Variants in ZBTB46 observed in about 807,000 individuals in gnomAD.
ZBTB46 encodes zinc finger and BTB domain containing 46, also known as zinc finger and BTB domain-containing protein 46.
In ZBTB46, 8 loss-of-function variants were observed where a neutral mutation model predicts 44.1. The observed-to-expected ratio is 0.18, with a 90% confidence interval of 0.11 to 0.33. The LOEUF (loss-of-function observed/expected upper bound fraction) is 0.33, where lower values mean the gene tolerates loss of function less well. Ranked by LOEUF, ZBTB46 falls within the 10% of genes least tolerant of loss-of-function variation. The probability of loss-of-function intolerance (pLI) is 1.00; values close to 1 mark genes in which losing one functional copy is unlikely to be tolerated. For missense variants in ZBTB46, 651 were observed against 847.7 expected (o/e 0.77, Z 2.88); for synonymous variants, 409 against 382.3 (o/e 1.07, Z -0.81).
chr20:63,825,212 C>T (rs1476897396), intron 1 of ZBTB46, among the ~76,000 whole-genome samples: 1 of 151,538 alleles, frequency 6.6e-6, no homozygotes, highest in African/African-American at 2.4e-5. Context: ...ACCAGCCTGG[C>T]CAACATGATG....
rs935591466 is a variant in ZBTB46 at position 63,752,656 on chromosome 20, G to A, written c.1398+30C>T. ...CCCGGACATCGTGGCCACGCGCAGC[G>A]CGCGGCACGCGGACCCTCCCCGCAC... On this transcript the variant is annotated intron_variant, in intron 4 of 4. Transcript: ENST00000245663. The surrounding 1 kb of genome is among the most constrained non-coding windows in gnomAD (Gnocchi z 5.6). 2 of 1,498,360 alleles carry A rather than the reference G, an allele frequency of 1.3e-6. No homozygotes were observed. Among genetic ancestry groups the A allele is most frequent in the Admixed American group, 2.0e-5 (1 of 49,002 alleles). 92.8% of individuals were successfully genotyped at this position (1,498,360 alleles called of 1,614,324 possible).
intron 1 of ZBTB46, among the ~76,000 whole-genome samples, chr20:63,791,204 A>T (rs569949221): frequency 6.6e-6 from 1 of 152,244 alleles, no homozygotes; most frequent in African/African-American, 2.4e-5. Context: ...GAAAAAGAAT[A>T]AAACTTCCAG....
At chr20:63,748,010 C>T (rs989181836) in intron 4 of ZBTB46, among the ~76,000 whole-genome samples, 5 of 152,222 alleles carry the variant, frequency 3.3e-5, no homozygotes, top group African/African-American at 4.8e-5. Context: ...GGCTGCCAGC[C>T]GGGCAGGTGG....
intron 3 of ZBTB46, among the ~76,000 whole-genome samples, chr20:63,772,984 A>G (rs2092389642): frequency 6.6e-6 from 1 of 152,148 alleles, no homozygotes; most frequent in Non-Finnish European, 1.5e-5. Flanking sequence ...AAGGGGAGAA[A>G]CTGCCAGGGC....
chr20:63,805,769 T>C (rs1437097816), intron 1 of ZBTB46, among the ~76,000 whole-genome samples: 2 of 104,096 alleles, frequency 1.9e-5, no homozygotes, highest in Non-Finnish European at 3.8e-5. Context: ...TTTTTCCTTT[T>C]TTTTGAGACG....
In ZBTB46 at chr20:63,790,033, T is replaced by A; in HGVS notation, c.725A>T (p.Glu242Val). The change falls in exon 2 of 5, where the codon GAG (glutamate) becomes GTG (valine). Residue 242 changes from glutamate to valine, a missense_variant. This residue lies in a region of ZBTB46 where 385 missense variants were observed against 423.3 expected (regional missense o/e 0.91). Coordinates refer to ENST00000245663, the MANE Select transcript of ZBTB46 (RefSeq NM_001369741.1). Reference protein sequence around the residue: ...QVSPSQYGGSELPSAKDGAVQ... With the variant: ...QVSPSQYGGSVLPSAKDGAVQ... The stretch of plus-strand genomic sequence containing the variant: ...TGCACCGTCCTTGGCAGAAGGCAGC[T>A]CGCTCCCTCCGTACTGAGACGGTGA... 1 of 1,613,980 alleles carries A rather than the reference T, an allele frequency of 6.2e-7. No individual in the cohort carries two copies. The highest frequency in any genetic ancestry group is 8.5e-7 in the Non-Finnish European group (1 of 1,179,916).
chr20:63,830,073 T>C (rs1448935454), intron 1 of ZBTB46, among the ~76,000 whole-genome samples: 1 of 152,250 alleles, frequency 6.6e-6, no homozygotes, highest in Admixed American at 6.5e-5. Context: ...GGAAATTCGC[T>C]GCGAATCTCA....
In ZBTB46 at chr20:63,746,914, C is replaced by G. The variant is rs1255464598; in HGVS notation, c.*16G>C. The G allele has an allele frequency of 1.3e-6, 2 of 1,511,452 alleles. No individual in the cohort carries two copies. The highest frequency in any genetic ancestry group is 2.4e-5 in the East Asian group (1 of 42,068). 93.6% of individuals were successfully genotyped at this position (1,511,452 alleles called of 1,614,324 possible). ...GGACGGAGCGAGGCAGCCACCGACCCTGCCGGCGGGCGGGCCTAGGAGAGC... is the reference window on the plus strand; with the variant it reads ...GGACGGAGCGAGGCAGCCACCGACCGTGCCGGCGGGCGGGCCTAGGAGAGC... On this transcript the variant is annotated 3_prime_UTR_variant, in exon 5 of 5. Coordinates refer to ENST00000245663, the MANE Select transcript of ZBTB46 (RefSeq NM_001369741.1).
At chr20:63,833,363 A>T (rs1030852894), upstream of ZBTB46, among the ~76,000 whole-genome samples, 2 of 152,166 alleles carry the variant, frequency 1.3e-5, no homozygotes, top group Non-Finnish European at 2.9e-5. Flanking sequence ...AGGCCGAGGC[A>T]GGCGGATCAC....
chr20:63,808,976 CAAAAAAAAA>C (rs1157399042), intron 1 of ZBTB46, among the ~76,000 whole-genome samples: 4 of 75,232 alleles, frequency 5.3e-5, no homozygotes, highest in Admixed American at 3.2e-4. Context: ...GACTCCGCTT[CAAAAAAAAA>C]AAAAAAAAAA....
chr20:63,799,433 A>C (rs1377749578), intron 1 of ZBTB46, among the ~76,000 whole-genome samples: 1 of 151,092 alleles, frequency 6.6e-6, no homozygotes, highest in Non-Finnish European at 1.5e-5. Context: ...AGCAATCTCC[A>C]CCTCCTGGGT....
intron 1 of ZBTB46, among the ~76,000 whole-genome samples, chr20:63,821,959 C>T (rs1051675294): frequency 5.3e-5 from 8 of 152,150 alleles, no homozygotes; most frequent in Non-Finnish European, 8.8e-5. Flanking sequence ...AAGGCTGTCC[C>T]GCAGCCTGCC....
intron 3 of ZBTB46, among the ~76,000 whole-genome samples, chr20:63,758,316 G>T (rs1241443453): frequency 6.6e-6 from 1 of 151,244 alleles, no homozygotes; most frequent in Non-Finnish European, 1.5e-5. Context: ...CCCAGAGCCT[G>T]CTGAAATTAT....
chr20:63,814,610 T>C (rs534006719), intron 1 of ZBTB46, among the ~76,000 whole-genome samples: 15 of 152,030 alleles, frequency 9.9e-5, no homozygotes, highest in Middle Eastern at 3.4e-3. Context: ...GGGTCCTCAT[T>C]TGGGGTTGAC....
chr20:63,753,402 A>G (rs927901046), intron 3 of ZBTB46, among the ~76,000 whole-genome samples: 2 of 152,186 alleles, frequency 1.3e-5, no homozygotes, highest in Non-Finnish European at 2.9e-5. Context: ...AGCCAGACCC[A>G]TTTAATCAAG....
chr20:63,808,743 G>A (rs2092698372), intron 1 of ZBTB46, among the ~76,000 whole-genome samples: 1 of 152,150 alleles, frequency 6.6e-6, no homozygotes, highest in South Asian at 2.1e-4. Context: ...GGGAGGCCGA[G>A]GCGGGCGGAT....
chr20:63,832,861 A>AT (rs2092859056), upstream of ZBTB46, among the ~76,000 whole-genome samples: 1 of 151,854 alleles, frequency 6.6e-6, no homozygotes, highest in Non-Finnish European at 1.5e-5. This position sits in a 1 kb window ranked among gnomAD's most constrained non-coding sequence, Gnocchi z 5.0. Context: ...GGTCACGTGC[A>AT]TCCCCCTTGG....
chr20:63,832,465 G>A (rs535707123), upstream of ZBTB46, among the ~76,000 whole-genome samples: 210 of 152,346 alleles, frequency 1.4e-3, no homozygotes, highest in African/African-American at 4.9e-3. The surrounding 1 kb of genome is among the most constrained non-coding windows in gnomAD (Gnocchi z 5.0). Flanking sequence ...CGGGAGGTGG[G>A]AGGCGGCGGC....
At chr20:63,829,949 C>CCG in intron 1 of ZBTB46, among the ~76,000 whole-genome samples, 1 of 152,332 alleles carries the variant, frequency 6.6e-6, no homozygotes, top group African/African-American at 2.4e-5. Flanking sequence ...TGCGCCCAGG[C>CCG]CGCGCGCTAA....
Sources: gnomAD v4.1 joint callset for allele counts (sites outside exome capture counted in the v4.1 genomes callset) on GRCh38, gnomAD v4.1.1 for gene constraint, gnomAD v4.1.1 regional missense constraint, Gnocchi (gnomAD v3.1) non-coding constraint, MANE v1.5 for transcripts, NCBI Gene and HGNC (gene_info 2026-07-23, HGNC 2026-07-21) for gene names.